Variants in TMEM217B observed in about 807,000 individuals in gnomAD.
The protein encoded by TMEM217B is transmembrane protein 217B, also known as putative transmembrane protein 217B.
chr6:37,213,081 G>A, the TMEM217B span: 3 of 894,028 alleles, frequency 3.4e-6, no homozygotes, highest in Non-Finnish European at 5.1e-6. Context: ...ATATAAATCA[G>A]AGAGCTAAGA....
chr6:37,248,239 A>G, the TMEM217B span, among the ~76,000 whole-genome samples: 1 of 152,060 alleles, frequency 6.6e-6, no homozygotes, highest in Admixed American at 6.5e-5. Flanking sequence ...TAGATTATAC[A>G]CTTGTTGAGG....
At chr6:37,229,351 T>TTGTTTG in the TMEM217B span, among the ~76,000 whole-genome samples, 1 of 136,428 alleles carries the variant, frequency 7.3e-6, no homozygotes, top group Non-Finnish European at 1.6e-5. Context: ...TTTTTTTTTT[T>TTGTTTG]TTTTTTTTTG....
At chr6:37,218,116 T>C in the TMEM217B span, 1 of 1,043,836 alleles carries the variant, frequency 9.6e-7, no homozygotes, top group Non-Finnish European at 1.2e-6. Context: ...CTACCTCTTA[T>C]GGGAAAGAAA....
chr6:37,239,882 C>A, the TMEM217B span, among the ~76,000 whole-genome samples: 1 of 149,722 alleles, frequency 6.7e-6, no homozygotes, highest in East Asian at 1.9e-4. Flanking sequence ...TGGTGAGACC[C>A]CAGCTCATTA....
At chr6:37,255,334 G>A in the TMEM217B span, among the ~76,000 whole-genome samples, 1 of 152,062 alleles carries the variant, frequency 6.6e-6, no homozygotes, top group East Asian at 1.9e-4. Context: ...GTACAATGGG[G>A]GCCATTGCAA....
the TMEM217B span, among the ~76,000 whole-genome samples, chr6:37,231,711 C>T: frequency 6.8e-6 from 1 of 146,792 alleles, no homozygotes; most frequent in Non-Finnish European, 1.5e-5. Flanking sequence ...GCTCATGCTG[C>T]CTGGGTGTTT....
the TMEM217B span, among the ~76,000 whole-genome samples, chr6:37,214,545 T>C: frequency 6.6e-6 from 1 of 152,024 alleles, no homozygotes; most frequent in East Asian, 1.9e-4. Context: ...AACTTTTTCA[T>C]CATCCCCACC....
At chr6:37,219,173 C>T in the TMEM217B span, 1 of 791,456 alleles carries the variant, frequency 1.3e-6, no homozygotes, top group Non-Finnish European at 2.0e-6. Flanking sequence ...GAAACTATAG[C>T]CTTGGGAAGA....
the TMEM217B span, among the ~76,000 whole-genome samples, chr6:37,229,022 C>CAAT: frequency 2.4e-3 from 366 of 151,372 alleles, no homozygotes; most frequent in African/African-American, 7.5e-3. Context: ...AACAAAATAA[C>CAAT]AATAATAATA....
the TMEM217B span, among the ~76,000 whole-genome samples, chr6:37,254,430 T>C: frequency 5.9e-5 from 9 of 152,268 alleles, no homozygotes; most frequent in Middle Eastern, 3.4e-3. Context: ...ACTAGGTGGG[T>C]GGCCTCCCTC....
At chr6:37,212,967 C>A in the TMEM217B span, 1 of 1,547,752 alleles carries the variant, frequency 6.5e-7, no homozygotes, top group Non-Finnish European at 8.7e-7. Flanking sequence ...TCCTGACATT[C>A]ATTTTATACT....
the TMEM217B span, chr6:37,212,423 A>G: frequency 2.4e-6 from 1 of 413,964 alleles, no homozygotes; most frequent in Non-Finnish European, 4.9e-6. Context: ...GTTCAGTTTA[A>G]CTTCCGGTAC....
At chr6:37,231,716 G>A in the TMEM217B span, among the ~76,000 whole-genome samples, 61 of 146,688 alleles carry the variant, frequency 4.2e-4, no homozygotes, top group South Asian at 2.8e-3. Context: ...TGCTGCCTGG[G>A]TGTTTTATCT....
the TMEM217B span, among the ~76,000 whole-genome samples, chr6:37,255,842 A>G: frequency 6.6e-6 from 1 of 152,222 alleles, no homozygotes; most frequent in African/African-American, 2.4e-5. Flanking sequence ...GGTTCCAACA[A>G]TCTCAATTTC....
the TMEM217B span, among the ~76,000 whole-genome samples, chr6:37,248,404 A>C: frequency 6.6e-6 from 1 of 152,114 alleles, no homozygotes; most frequent in Non-Finnish European, 1.5e-5. Flanking sequence ...CCTGAGGCAA[A>C]ATCATATGTT....
At chr6:37,256,274 G>T in the TMEM217B span, among the ~76,000 whole-genome samples, 1 of 152,174 alleles carries the variant, frequency 6.6e-6, no homozygotes, top group Non-Finnish European at 1.5e-5. Flanking sequence ...TCTAGAAGTT[G>T]TTTTAGATTA....
the TMEM217B span, among the ~76,000 whole-genome samples, chr6:37,226,784 C>A: frequency 0.011 from 46 of 4,042 alleles, no homozygotes; most frequent in African/African-American, 0.058. Flanking sequence ...GCTGCTCGAA[C>A]TTCTGACCTC....
At chr6:37,213,964 G>A in the TMEM217B span, among the ~76,000 whole-genome samples, 1 of 152,168 alleles carries the variant, frequency 6.6e-6, no homozygotes, top group Non-Finnish European at 1.5e-5. Flanking sequence ...GTCCAATGGG[G>A]GACAACTTGT....
At chr6:37,214,188 C>T in the TMEM217B span, among the ~76,000 whole-genome samples, 4 of 152,330 alleles carry the variant, frequency 2.6e-5, no homozygotes, top group East Asian at 1.9e-4. Flanking sequence ...TTCACGTTGT[C>T]GTGCAAGCAT....
Sources: allele counts gnomAD v4.1 joint callset (sites outside exome capture counted in the v4.1 genomes callset), GRCh38; gene constraint gnomAD v4.1.1; transcripts MANE v1.5; gene names NCBI Gene and HGNC (gene_info 2026-07-23, HGNC 2026-07-21).